ITGA8: variants seen among roughly 807,000 people sequenced by gnomAD.
The protein encoded by ITGA8 is integrin subunit alpha 8.
ITGA8 carries 91 observed loss-of-function variants against 142.3 expected under a neutral mutation model. The observed-to-expected ratio is 0.64, with a 90% CI of 0.54 to 0.76. The LOEUF (loss-of-function observed/expected upper bound fraction) is 0.76. Ranked by LOEUF, ITGA8 falls within the 30% of genes least tolerant of loss-of-function variation. The pLI is 0.00. For missense variants in ITGA8, 1,406 were observed against 1,327.7 expected (o/e 1.06, Z -0.92); for synonymous variants, 505 against 485.2 (o/e 1.04, Z -0.54).
At chr10:15,670,135 T>C (rs981710739) in intron 8 of ITGA8, among the ~76,000 whole-genome samples, 22 of 152,212 alleles carry the variant, frequency 1.4e-4, no homozygotes, top group African/African-American at 5.3e-4. Flanking sequence ...GGCTCCCAAC[T>C]CCATTTACTC....
In ITGA8 at chr10:15,683,952, G is replaced by C. The variant is rs1834788619; in HGVS notation, c.568+52C>G. The stretch of plus-strand genomic sequence containing the variant: ...TGAGCCTACCTGCACTCCTGTCTAC[G>C]ATAGAAAAGCACTTGAGCTAATGTC... On this transcript the variant is annotated intron_variant, in intron 4 of 29. Transcript: ENST00000378076. 3 of 1,609,160 alleles carry C rather than the reference G, an allele frequency of 1.9e-6. No individual in the cohort carries two copies. The Admixed American group carries it at 5.0e-5, about 27-fold the overall frequency.
rs111380585 is a variant in ITGA8, at chr10:15,544,397, G to T, written c.2880+4058C>A. ...GGCAGGGGGTAGTTTATTCCTCAGA[G>T]CCTCCAGGAGGAACCAACCCTGCTG... is the stretch of plus-strand genomic sequence containing the variant. On this transcript the variant is annotated intron_variant, in intron 27 of 29. Coordinates refer to ENST00000378076, the MANE Select transcript of ITGA8 (RefSeq NM_003638.3). 3.1e-3 allele frequency among the ~76,000 whole-genome samples: 472 copies of T among 152,268 alleles called. 3 individuals are homozygous for T. The highest frequency in any genetic ancestry group is 0.011 in the African/African-American group (453 of 41,550).
intron 28 of ITGA8, among the ~76,000 whole-genome samples, chr10:15,529,805 A>G (rs1833253910): frequency 6.6e-6 from 1 of 152,234 alleles, no homozygotes; most frequent in African/African-American, 2.4e-5. Context: ...TCTACCATCC[A>G]AAGCAGTGCT....
chr10:15,687,478 A>G (rs1834853000), intron 3 of ITGA8, among the ~76,000 whole-genome samples: 1 of 152,220 alleles, frequency 6.6e-6, no homozygotes, highest in African/African-American at 2.4e-5. Flanking sequence ...AGTATTAATG[A>G]ACTCAGAGAA....
chr10:15,655,597 T>C (rs1475039774), intron 10 of ITGA8, among the ~76,000 whole-genome samples, 191 bp from the exon 11 acceptor site: 1 of 152,142 alleles, frequency 6.6e-6, no homozygotes, highest in Non-Finnish European at 1.5e-5. Context: ...ATTTTCCCCA[T>C]AATAACCCTG....
intron 27 of ITGA8, among the ~76,000 whole-genome samples, chr10:15,533,541 G>C (rs749873238): frequency 1.3e-5 from 2 of 152,142 alleles, no homozygotes; most frequent in Non-Finnish European, 2.9e-5. Context: ...TTGTGGGTAA[G>C]GATTATAATT....
chr10:15,568,009 T>C (rs1358806033), intron 25 of ITGA8, among the ~76,000 whole-genome samples: 2 of 152,156 alleles, frequency 1.3e-5, no homozygotes, highest in African/African-American at 4.8e-5. Context: ...AACTTCTGGG[T>C]TCAAGTAATT....
chr10:15,575,837 C>T (rs777652867), intron 23 of ITGA8, among the ~76,000 whole-genome samples: 3 of 152,096 alleles, frequency 2.0e-5, no homozygotes, highest in Non-Finnish European at 2.9e-5. Flanking sequence ...CATCTCATCT[C>T]GTGGGCACTA....
In ITGA8 at chr10:15,514,176, A is replaced by C. The variant is rs1260972243; in HGVS notation, c.*2982T>G. The C allele has an allele frequency of 1.3e-5, 2 of 152,164 alleles. No individual in the cohort carries two copies. Among genetic ancestry groups the C allele is most frequent in the African/African-American group, 4.8e-5 (2 of 41,448 alleles). 9.4% of individuals were successfully genotyped at this position (152,164 alleles called of 1,614,324 possible). ...CTTAAAACCCAGCTGCAAGAATTTA[A>C]AAAGGGAATTCTTTGAAGAGAAATA... On this transcript the variant is annotated 3_prime_UTR_variant, in exon 30 of 30. Coordinates refer to ENST00000378076, the MANE Select transcript of ITGA8 (RefSeq NM_003638.3).
At chr10:15,546,694 G>C (rs1833677315) in intron 27 of ITGA8, among the ~76,000 whole-genome samples, 1 of 146,994 alleles carries the variant, frequency 6.8e-6, no homozygotes, top group Admixed American at 6.7e-5. Flanking sequence ...GGAAAGGAAG[G>C]AAAGAAAGAA....
intron 8 of ITGA8, among the ~76,000 whole-genome samples, chr10:15,664,135 T>C (rs1309424443): frequency 6.6e-6 from 1 of 152,202 alleles, no homozygotes; most frequent in African/African-American, 2.4e-5. Flanking sequence ...TACTATTAGC[T>C]CATCATCCTT....
rs375663265 is a variant in ITGA8 at position 15,585,174 on chromosome 10, A to G, written c.2372+1410T>C. On this transcript the variant is annotated intron_variant, in intron 23 of 29. Transcript: ENST00000378076. ...GAATGGAAAAAAATTAGAAACATAC[A>G]TAAAATACGATTTTATGTAGATAAG... Among the ~76,000 whole-genome samples, 18 of 152,332 alleles carry G rather than the reference A, an allele frequency of 1.2e-4. No homozygotes were observed. In the East Asian group the frequency reaches 2.9e-3, roughly 24 times the overall value.
chr10:15,579,158 T>A (rs1834355959), intron 23 of ITGA8, among the ~76,000 whole-genome samples: 1 of 152,118 alleles, frequency 6.6e-6, no homozygotes, highest in African/African-American at 2.4e-5. Context: ...AACCAATGTT[T>A]TGCTGCATAT....
chr10:15,671,571 A>T (rs368032865), intron 8 of ITGA8, 32 bp downstream of exon 8: 1 of 1,583,608 alleles, frequency 6.3e-7, no homozygotes, highest in East Asian at 2.2e-5. Context: ...CCCATGCTTT[A>T]TAAGTGATTT....
At chr10:15,559,820 T>C (rs1833943910) in intron 25 of ITGA8, among the ~76,000 whole-genome samples, 1 of 40,352 alleles carries the variant, frequency 2.5e-5, no homozygotes, top group Non-Finnish European at 4.6e-5. Flanking sequence ...CTGGGGCCTG[T>C]CAGGGTAGGG....
intron 25 of ITGA8, among the ~76,000 whole-genome samples, chr10:15,566,116 A>G (rs942374902): frequency 1.3e-5 from 2 of 152,160 alleles, no homozygotes; most frequent in Non-Finnish European, 2.9e-5. Flanking sequence ...ATTCTAAAAC[A>G]TAACTCTAAA....
rs200167471 is a variant in ITGA8, at chr10:15,558,172, G to A, written c.2668C>T (p.Leu890Phe). The A allele has an allele frequency of 3.1e-6, 5 of 1,614,214 alleles. No homozygotes were observed. The East Asian group carries it at 1.1e-4, about 36-fold the overall frequency. Residue 890 changes from leucine (L) to phenylalanine (F), a missense_variant, in exon 26 of 30, where the codon CTC becomes TTC. By Grantham distance (22) the Leu-to-Phe change is conservative. Coordinates refer to ENST00000378076, the MANE Select transcript of ITGA8 (RefSeq NM_003638.3). The part of the protein sequence containing the change: ...PAASPEDTPE[L>F]SAFLRNSTIP... The stretch of plus-strand genomic sequence containing the variant: ...GTAGAGTTTCGCAAAAAGGCGCTGA[G>A]CTCAGGGGTGTCCTCTGGGGAGGCA...
chr10:15,611,615 C>T (rs1833296628), intron 15 of ITGA8: 1 of 151,766 alleles, frequency 6.6e-6, no homozygotes, highest in African/African-American at 2.4e-5. Context: ...CCTCAGCCTC[C>T]TGAGTAGCTG....
intron 8 of ITGA8, among the ~76,000 whole-genome samples, chr10:15,667,437 C>A (rs1834418150): frequency 6.6e-6 from 1 of 151,934 alleles, no homozygotes; most frequent in Non-Finnish European, 1.5e-5. Context: ...TGCTAGTGGT[C>A]TATCAATTTT....
Sources: allele counts gnomAD v4.1 joint callset (sites outside exome capture counted in the v4.1 genomes callset), GRCh38; gene constraint gnomAD v4.1.1; transcripts MANE v1.5; gene names NCBI Gene and HGNC (gene_info 2026-07-23, HGNC 2026-07-21).